CPSF3: variants seen among roughly 807,000 people sequenced by gnomAD.
CPSF3 encodes the protein cleavage and polyadenylation specific factor 3, also known as cleavage and polyadenylation specificity factor subunit 3.
In CPSF3, 57 loss-of-function variants were observed where a neutral mutation model predicts 84.1. The observed-to-expected ratio is 0.68, with a 90% CI of 0.55 to 0.85. The LOEUF (loss-of-function observed/expected upper bound fraction) is 0.85, where lower values mean the gene tolerates loss of function less well. CPSF3 is among the 40% of genes least tolerant of loss of function. CPSF3 has a pLI of 0.00. For missense variants in CPSF3, 522 were observed against 838.8 expected (o/e 0.62, Z 4.66); for synonymous variants, 275 against 278.1 (o/e 0.99, Z 0.11).
Position 9,428,807 on chromosome 2 carries a change from G to A in CPSF3, c.93G>A (p.Glu31=). 2 of 1,599,832 alleles carry A rather than the reference G, an allele frequency of 1.3e-6. No homozygotes were observed. Among genetic ancestry groups the A allele is most frequent in the Non-Finnish European group, 1.7e-6 (2 of 1,167,222 alleles). Residue 31 remains glutamate (E), a synonymous_variant, in exon 2 of 18, where the codon GAG becomes GAA. Coordinates refer to ENST00000238112, the MANE Select transcript of CPSF3 (RefSeq NM_016207.4). The stretch of plus-strand genomic sequence containing the variant: ...TAGGAAGATCATGTATTATTCTCGA[G>A]TTCAAAGGAAGAAAAATAATGGTAA... ...QEVGRSCIIL[E]FKGRKIMLDC... is the part of the protein sequence containing the mutation.
chr2:9,459,574 C>T lies in CPSF3; in HGVS notation c.1742C>T (p.Thr581Ile), dbSNP rs1440177220. 1 of 1,497,992 alleles carries T rather than the reference C, an allele frequency of 6.7e-7. No individual in the cohort carries two copies. Among genetic ancestry groups the T allele is most frequent in the Non-Finnish European group, 9.0e-7 (1 of 1,109,734 alleles). The allele number at this position is 1,497,992 out of a possible 1,614,324, so 92.8% of individuals were successfully genotyped here. ...AATGATATGTATGCAGATACAGTAA[C>T]AACTGTGATATTGGAAGTTCAGTCA... ...PSNDMYADTV[T>I]TVILEVQSNP... Residue 581 changes from threonine (T) to isoleucine (I), a missense_variant, in exon 15 of 18, where the codon ACA (threonine) becomes ATA (isoleucine). By Grantham distance (89) the Thr-to-Ile change is moderately conservative. Coordinates refer to ENST00000238112, the MANE Select transcript of CPSF3 (RefSeq NM_016207.4).
intron 15 of CPSF3, among the ~76,000 whole-genome samples, chr2:9,466,196 TCA>T (rs372005769): frequency 0.068 from 9,656 of 141,566 alleles, 1,008 homozygotes; most frequent in African/African-American, 0.23. Context: ...ACACACGCGC[TCA>T]CACACACACG....
Position 9,423,878 on chromosome 2 carries a change from G to T in CPSF3, c.50+55G>T. On this transcript the variant is annotated intron_variant, in intron 1 of 17. Transcript: ENST00000238112. Reference sequence around the variant, plus strand: ...CCACGGGCTGTGAGGGGCGCGAGGGGTAACCGGAGACTGGCCTCCTCCGTC... The same window carrying T: ...CCACGGGCTGTGAGGGGCGCGAGGGTTAACCGGAGACTGGCCTCCTCCGTC... 5 of 1,600,524 alleles carry T rather than the reference G, an allele frequency of 3.1e-6. No individual in the cohort carries two copies. In the South Asian group the frequency reaches 5.6e-5, roughly 18 times the overall value.
intron 15 of CPSF3, among the ~76,000 whole-genome samples, chr2:9,460,887 G>A (rs946218292): frequency 6.6e-6 from 1 of 151,936 alleles, no homozygotes; most frequent in Non-Finnish European, 1.5e-5. Flanking sequence ...GTGACCATAC[G>A]GGAAGTATTC....
At chr2:9,448,118 C>A in intron 10 of CPSF3, 80 bp from the exon 11 acceptor site, 2 of 693,508 alleles carry the variant, frequency 2.9e-6, no homozygotes, top group Non-Finnish European at 4.5e-6. Flanking sequence ...AAATATATTT[C>A]ATATATTTAA....
intron 1 of CPSF3, 179 bp downstream of exon 1, chr2:9,424,002 G>C: frequency 7.1e-7 from 1 of 1,417,860 alleles, no homozygotes; most frequent in South Asian, 1.5e-5. Context: ...ATCGGAAGGG[G>C]CCTGCTATAG....
chr2:9,454,734 C>T (rs932367645), intron 12 of CPSF3, among the ~76,000 whole-genome samples: 24 of 151,686 alleles, frequency 1.6e-4, no homozygotes, highest in Non-Finnish European at 7.4e-5. Context: ...TTAGTAGAGA[C>T]GGGGTTTCAC....
chr2:9,425,024 A>T (rs1390050093), intron 1 of CPSF3: 1 of 152,238 alleles, frequency 6.6e-6, no homozygotes, highest in Admixed American at 6.5e-5. Context: ...GAGCACTGTG[A>T]AAGTATGGAA....
At chr2:9,426,217 A>G (rs1162438727) in intron 1 of CPSF3, among the ~76,000 whole-genome samples, 3 of 152,228 alleles carry the variant, frequency 2.0e-5, no homozygotes, top group African/African-American at 2.4e-5. Flanking sequence ...CAATAACTTC[A>G]TGTAGTTGTA....
intron 15 of CPSF3, among the ~76,000 whole-genome samples, chr2:9,464,379 C>T (rs1403892099): frequency 6.6e-6 from 1 of 151,638 alleles, no homozygotes; most frequent in Non-Finnish European, 1.5e-5. Context: ...CACACGTAAA[C>T]TTTGGAAAGT....
intron 5 of CPSF3, among the ~76,000 whole-genome samples, chr2:9,433,630 T>G (rs1680674427): frequency 6.6e-6 from 1 of 152,166 alleles, no homozygotes; most frequent in Non-Finnish European, 1.5e-5. Flanking sequence ...ATATAGGTTA[T>G]CATTGTGAGA....
At chr2:9,450,419 T>G (rs1336371401) in intron 11 of CPSF3, among the ~76,000 whole-genome samples, 1 of 150,202 alleles carries the variant, frequency 6.7e-6, no homozygotes, top group Non-Finnish European at 1.5e-5. Context: ...CCTCCCAAAG[T>G]GCTGGGATTA....
chr2:9,454,227 G>T (rs1227998238), intron 12 of CPSF3, among the ~76,000 whole-genome samples: 1 of 151,942 alleles, frequency 6.6e-6, no homozygotes, highest in Non-Finnish European at 1.5e-5. Flanking sequence ...GGCCAACGTG[G>T]TAAAACCCCA....
At chr2:9,466,384 ACACACGCG>A (rs1558466693) in intron 15 of CPSF3, among the ~76,000 whole-genome samples, 5 of 79,224 alleles carry the variant, frequency 6.3e-5, no homozygotes, top group Non-Finnish European at 1.6e-4. Context: ...ACGCACTCGC[ACACACGCG>A]CACACACACG....
At position 9,443,801 on chromosome 2, in the gene CPSF3, G is replaced by A. The variant is rs1681035545; in HGVS notation, c.1242+140G>A. On this transcript the variant is annotated intron_variant, in intron 10 of 17. Coordinates refer to ENST00000238112, the MANE Select transcript of CPSF3 (RefSeq NM_016207.4). ...TGAGCAGAGCCTTTCACATGCACTC[G>A]GATTTGGCCTTTACAACTCCCCTTT... 8.3e-6 allele frequency: 7 copies of A among 840,406 alleles called. No homozygotes were observed. The South Asian group carries it at 1.2e-4, about 14-fold the overall frequency. 52.1% of individuals were successfully genotyped at this position (840,406 alleles called of 1,614,324 possible). A position where few individuals can be genotyped will look rare whatever the true frequency, so the allele number is the denominator to read the frequency against.
Position 9,440,714 on chromosome 2 carries a change from CATT to C in CPSF3, c.936+50_936+52del, listed in dbSNP as rs1380500865. 10 of 1,590,048 alleles carry C rather than the reference CATT, an allele frequency of 6.3e-6. No individual in the cohort carries two copies. The Admixed American group carries it at 1.0e-4, about 16-fold the overall frequency. On this transcript the variant is annotated intron_variant, in intron 8 of 17. Coordinates refer to ENST00000238112, the MANE Select transcript of CPSF3 (RefSeq NM_016207.4). Reference sequence around the variant, plus strand: ...CAAGGATGGATAAAACCAAATCAGTCATTAGTAGTAGGAGGTACGAGGCCGTGA... The same window carrying C: ...CAAGGATGGATAAAACCAAATCAGTCAGTAGTAGGAGGTACGAGGCCGTGA...
chr2:9,472,774 T>C, intron 17 of CPSF3, 142 bp from the exon 18 acceptor site: 1 of 681,408 alleles, frequency 1.5e-6, no homozygotes. Context: ...CACCTCAGAC[T>C]CTTATCTGGG....
chr2:9,451,197 T>C (rs1681317880), intron 11 of CPSF3, among the ~76,000 whole-genome samples: 1 of 152,180 alleles, frequency 6.6e-6, no homozygotes, highest in Non-Finnish European at 1.5e-5. Flanking sequence ...AATCATTACC[T>C]TTAGTTATTT....
chr2:9,448,095 T>A (rs1454136655), intron 10 of CPSF3, 103 bp from the exon 11 acceptor site: 1 of 605,808 alleles, frequency 1.7e-6, no homozygotes, highest in Middle Eastern at 4.5e-4. Flanking sequence ...AGTATGTCTC[T>A]ATTTCATATA....
Sources: allele counts gnomAD v4.1 joint callset (sites outside exome capture counted in the v4.1 genomes callset), GRCh38; gene constraint gnomAD v4.1.1; transcripts MANE v1.5; gene names NCBI Gene and HGNC (gene_info 2026-07-23, HGNC 2026-07-21).